Variants in AGBL1 observed in about 807,000 individuals in gnomAD.
AGBL1 encodes the protein cytosolic carboxypeptidase 4.
In AGBL1, 130 loss-of-function variants were observed where a neutral mutation model predicts 118.9. The observed-to-expected ratio is 1.09, with a 90% CI of 0.95 to 1.26. AGBL1 has a LOEUF of 1.26. Among genes scored for constraint, AGBL1 ranks in the 50% most tolerant of loss-of-function variants. The pLI, the probability that AGBL1 is intolerant of heterozygous loss-of-function variation, is 0.00. For synonymous variants in AGBL1, 555 were observed against 478.9 expected, an observed-to-expected ratio of 1.16 and a Z score of -2.08; for missense variants, 1,584 against 1,298.1, an observed-to-expected ratio of 1.22 and a Z score of -3.38.
At chr15:86,396,108 T>A (rs2081356691) in intron 17 of AGBL1, among the ~76,000 whole-genome samples, 1 of 147,814 alleles carries the variant, frequency 6.8e-6, no homozygotes, top group Admixed American at 6.8e-5. Flanking sequence ...TGTATCTATG[T>A]GTGTGTGTAT....
In AGBL1 at chr15:86,347,046, C is replaced by T. The variant is rs569038712; in HGVS notation, c.2375-50320C>T. ...CTGACGGTTTATTGAATATGTGGTG[C>T]CCAATTACTGGATTTGACAGTAAAA... is the stretch of plus-strand genomic sequence containing the variant. On this transcript the variant is annotated intron_variant, in intron 17 of 22. Coordinates refer to ENST00000614907, the MANE Select transcript of AGBL1 (RefSeq NM_001386094.1). Among the ~76,000 whole-genome samples the T allele has an allele frequency of 1.8e-4, 27 of 152,176 alleles. No individual in the cohort carries two copies. The South Asian group carries it at 5.4e-3, about 30-fold the overall frequency.
chr15:86,505,189 CTT>C (rs1219426339), intron 18 of AGBL1, among the ~76,000 whole-genome samples: 1 of 151,724 alleles, frequency 6.6e-6, no homozygotes, highest in Non-Finnish European at 1.5e-5. Flanking sequence ...TCAAAATTCT[CTT>C]TGTCTTTTGA....
intron 23 of AGBL1, among the ~76,000 whole-genome samples, chr15:86,974,447 T>TAA (rs1465035653): frequency 3.1e-5 from 4 of 128,174 alleles, no homozygotes; most frequent in African/African-American, 1.2e-4. Flanking sequence ...TAAACATATT[T>TAA]TATATATTGA....
intron 21 of AGBL1, among the ~76,000 whole-genome samples, chr15:86,657,746 A>G (rs1409154037): frequency 6.6e-6 from 1 of 152,048 alleles, no homozygotes; most frequent in Non-Finnish European, 1.5e-5. Flanking sequence ...CATCATAAGG[A>G]AGGACACATC....
intron 18 of AGBL1, among the ~76,000 whole-genome samples, chr15:86,518,858 G>A (rs2083153279): frequency 6.6e-6 from 1 of 151,220 alleles, no homozygotes; most frequent in Admixed American, 6.6e-5. Context: ...AGAGTTACAG[G>A]GATGCAAGCA....
At position 86,834,237 on chromosome 15, in the gene AGBL1, G is replaced by T. The variant is rs77289606; in HGVS notation, c.3159-72850G>T. On this transcript the variant is annotated intron_variant, in intron 22 of 22. Coordinates refer to ENST00000614907, the MANE Select transcript of AGBL1 (RefSeq NM_001386094.1). ...CAACCACGGTATCCCAATAATAGAT[G>T]CAAGGTAACTAAGAGTTCAGTCCCT... Among the ~76,000 whole-genome samples, 12 of 152,264 alleles carry T rather than the reference G, an allele frequency of 7.9e-5. No individual in the cohort carries two copies. The East Asian group carries it at 2.3e-3, about 29-fold the overall frequency.
chr15:86,257,781 C>T (rs1466590734), intron 8 of AGBL1, among the ~76,000 whole-genome samples, 183 bp from the exon 9 acceptor site: 1 of 152,178 alleles, frequency 6.6e-6, no homozygotes, highest in Admixed American at 6.5e-5. Flanking sequence ...CCCCGACATG[C>T]CTACATGAAC....
intron 12 of AGBL1, 55 bp from the exon 13 acceptor site, chr15:86,266,935 G>C (rs1348896943): frequency 3.0e-5 from 39 of 1,312,662 alleles, no homozygotes; most frequent in Non-Finnish European, 2.1e-6. Context: ...TCATCACACT[G>C]TTTTCAAAGA....
chr15:86,336,591 G>A (rs1392931389), intron 17 of AGBL1, among the ~76,000 whole-genome samples: 1 of 152,216 alleles, frequency 6.6e-6, no homozygotes, highest in African/African-American at 2.4e-5. Flanking sequence ...ATCAGCATGA[G>A]GAGGGGTGAG....
intron 22 of AGBL1, among the ~76,000 whole-genome samples, chr15:86,880,165 G>A (rs2079870456): frequency 6.6e-6 from 1 of 152,086 alleles, no homozygotes; most frequent in African/African-American, 2.4e-5. Context: ...GAATCTCCGA[G>A]CTTGCTGAAT....
In AGBL1 at chr15:86,470,339, A is replaced by G. The variant is rs566369174; in HGVS notation, c.2556-52471A>G. On this transcript the variant is annotated intron_variant, in intron 18 of 22. Coordinates refer to ENST00000614907, the MANE Select transcript of AGBL1 (RefSeq NM_001386094.1). The stretch of plus-strand genomic sequence containing the variant: ...TTACTGAAGAGGCTGTCCTTCCACC[A>G]TTGTCTGTCCTTGGCACTGTTGTTG... Among the ~76,000 whole-genome samples the G allele has an allele frequency of 2.0e-5, 3 of 152,184 alleles. No individual in the cohort carries two copies. In the South Asian group the frequency reaches 6.2e-4, roughly 32 times the overall value.
At chr15:86,767,476 A>C (rs976449750) in intron 22 of AGBL1, among the ~76,000 whole-genome samples, 6 of 151,970 alleles carry the variant, frequency 3.9e-5, no homozygotes, top group African/African-American at 1.2e-4. Flanking sequence ...AATGCTGAGG[A>C]GGCATGTTAC....
chr15:86,534,140 T>A (rs992852016), intron 19 of AGBL1, among the ~76,000 whole-genome samples: 6 of 146,414 alleles, frequency 4.1e-5, no homozygotes, highest in Admixed American at 2.0e-4. Context: ...AAAAAGATTG[T>A]CCTTTTCTTT....
In AGBL1 at chr15:86,606,966, T is replaced by C. The variant is rs1201491720; in HGVS notation, c.2994+52429T>C. ...TAAAGATCCCCTGTGCTTCCCCTAC[T>C]CATCCTTCCTTCTTTCCCTTGGTGG... On this transcript the variant is annotated intron_variant, in intron 21 of 22. Coordinates refer to ENST00000614907, the MANE Select transcript of AGBL1 (RefSeq NM_001386094.1). Among the ~76,000 whole-genome samples the C allele has an allele frequency of 4.7e-5, 6 of 127,520 alleles. No homozygotes were observed. The South Asian group carries it at 1.2e-3, about 25-fold the overall frequency. The allele number at this position is 127,520 out of a possible 152,430, so 83.7% of individuals were successfully genotyped here. A position where few individuals can be genotyped will look rare whatever the true frequency, so the allele number is the denominator to read the frequency against.
At chr15:86,783,290 C>G (rs1459597787) in intron 22 of AGBL1, among the ~76,000 whole-genome samples, 1 of 152,222 alleles carries the variant, frequency 6.6e-6, no homozygotes, top group Non-Finnish European at 1.5e-5. Context: ...TCTTTCTCAT[C>G]TTCTACTAAA....
chr15:86,525,406 T>G (rs1359388334), intron 19 of AGBL1, among the ~76,000 whole-genome samples: 1 of 152,080 alleles, frequency 6.6e-6, no homozygotes, highest in Non-Finnish European at 1.5e-5. Flanking sequence ...ATCCTAAAAT[T>G]TATATGGAAC....
intron 4 of AGBL1, 127 bp downstream of exon 4, chr15:86,154,688 T>C (rs553739134): frequency 8.4e-7 from 1 of 1,195,872 alleles, no homozygotes; most frequent in South Asian, 1.9e-5. Flanking sequence ...CCCAGCCAGA[T>C]AAATAAAAGA....
chr15:86,289,456 A>G (rs1378232690), intron 16 of AGBL1, among the ~76,000 whole-genome samples: 1 of 152,192 alleles, frequency 6.6e-6, no homozygotes, highest in Non-Finnish European at 1.5e-5. Context: ...TACATAACAG[A>G]TGCTCTTCAC....
At chr15:86,845,484 GC>G (rs2079305578) in intron 22 of AGBL1, among the ~76,000 whole-genome samples, 1 of 151,874 alleles carries the variant, frequency 6.6e-6, no homozygotes, top group South Asian at 2.1e-4. Flanking sequence ...TTTTTTTAAT[GC>G]TTTGCCCAAT....
Sources: gnomAD v4.1 joint callset for allele counts (sites outside exome capture counted in the v4.1 genomes callset) on GRCh38, gnomAD v4.1.1 for gene constraint, MANE v1.5 for transcripts, NCBI Gene and HGNC (gene_info 2026-07-23, HGNC 2026-07-21) for gene names.